SLC25A24: variants seen among roughly 807,000 people sequenced by gnomAD.
SLC25A24 encodes the protein solute carrier family 25 member 24, also known as mitochondrial adenyl nucleotide antiporter SLC25A24.
A neutral mutation model predicts 60.7 loss-of-function variants in SLC25A24; 49 were observed. That is an observed-to-expected ratio of 0.81 (90% CI 0.64 to 1.02). The LOEUF (loss-of-function observed/expected upper bound fraction) is 1.02. Ranked by LOEUF, SLC25A24 falls within the 50% of genes least tolerant of loss-of-function variation. SLC25A24 has a pLI of 0.00. For missense variants in SLC25A24, 564 were observed against 586.3 expected (o/e 0.96, Z 0.39); for synonymous variants, 202 against 200.6 (o/e 1.01, Z -0.06).
At chr1:108,193,854 C>T (rs1220770358) in intron 1 of SLC25A24, among the ~76,000 whole-genome samples, 1 of 139,038 alleles carries the variant, frequency 7.2e-6, no homozygotes, top group Non-Finnish European at 1.6e-5. Flanking sequence ...AGAGAGAAGT[C>T]AGCAGATACT....
chr1:108,177,836 A>T (rs1241986601), intron 3 of SLC25A24, among the ~76,000 whole-genome samples: 1 of 152,118 alleles, frequency 6.6e-6, no homozygotes, highest in African/African-American at 2.4e-5. Flanking sequence ...TTTTATAAAT[A>T]TATATGAACC....
chr1:108,141,312 G>A (rs944423393), intron 8 of SLC25A24, among the ~76,000 whole-genome samples: 1 of 152,110 alleles, frequency 6.6e-6, no homozygotes, highest in East Asian at 1.9e-4. Context: ...CTGAAGGGAG[G>A]AATAAACAGC....
intron 1 of SLC25A24, chr1:108,199,553 T>G: frequency 3.2e-6 from 1 of 310,510 alleles, no homozygotes; most frequent in African/African-American, 2.1e-5. Flanking sequence ...TCGAAAGAGA[T>G]CGAATGTGTG....
intron 6 of SLC25A24, among the ~76,000 whole-genome samples, chr1:108,151,571 G>A (rs527954270): frequency 2.6e-5 from 4 of 152,026 alleles, no homozygotes; most frequent in East Asian, 3.9e-4. Flanking sequence ...CCCATCCCTC[G>A]AGCTATTTCT....
intron 3 of SLC25A24, among the ~76,000 whole-genome samples, chr1:108,178,464 A>C (rs1647782469): frequency 6.6e-6 from 1 of 152,242 alleles, no homozygotes; most frequent in African/African-American, 2.4e-5. Flanking sequence ...ACAAGTCTTA[A>C]CAAATTTAAG....
chr1:108,136,691 C>T lies in SLC25A24; in HGVS notation c.1396G>A (p.Glu466Lys), dbSNP rs754957381. 6.2e-7 allele frequency: 1 copy of T among 1,613,980 alleles called. No homozygotes were observed. Among genetic ancestry groups the T allele is most frequent in the Non-Finnish European group, 8.5e-7 (1 of 1,179,962 alleles). ...ACTCCTAAAGTTTGCTTCATATTTT[C>T]ATAAACCACATAACTGATGCCTACA... ...PAVGISYVVY[E>K]NMKQTLGVTQ... is the part of the protein sequence containing the mutation. The change falls in exon 10 of 10, where the codon GAA becomes AAA. Residue 466 changes from glutamate (E) to lysine (K), a missense_variant. Glu to Lys is a moderately conservative substitution (Grantham distance 56). Coordinates refer to ENST00000565488, the MANE Select transcript of SLC25A24 (RefSeq NM_013386.5).
Position 108,192,910 on chromosome 1 carries a change from C to G in SLC25A24, c.184-6956G>C, listed in dbSNP as rs939905838. ...GACCGCGGAGTTCCTGCCTCACTCA[C>G]GTCTGATCAGAAGCCCCGGCTCCCA... On this transcript the variant is annotated intron_variant, in intron 1 of 9. Coordinates refer to ENST00000565488, the MANE Select transcript of SLC25A24 (RefSeq NM_013386.5). 8.5e-5 allele frequency: 40 copies of G among 471,182 alleles called. 3 individuals carry two copies. Among genetic ancestry groups the G allele is most frequent in the African/African-American group, 7.4e-4 (38 of 51,568 alleles). 29.2% of individuals were successfully genotyped at this position (471,182 alleles called of 1,614,324 possible). A position where few individuals can be genotyped will look rare whatever the true frequency, so the allele number is the denominator to read the frequency against.
In SLC25A24 at chr1:108,137,285, G is replaced by A. The variant is rs1235697445; in HGVS notation, c.1250-448C>T. Reference sequence around the variant, plus strand: ...GCTGCCTCCTTCTTACTAGACAAGCGCTGAAGAGAGAACAGTTAAATCTCA... The same window carrying A: ...GCTGCCTCCTTCTTACTAGACAAGCACTGAAGAGAGAACAGTTAAATCTCA... On this transcript the variant is annotated intron_variant, in intron 9 of 9. Transcript: ENST00000565488. 3.9e-5 allele frequency among the ~76,000 whole-genome samples: 6 copies of A among 152,206 alleles called. No homozygotes were observed. In the East Asian group the frequency reaches 5.8e-4, roughly 15 times the overall value.
chr1:108,161,919 G>A (rs1433211353), intron 3 of SLC25A24, among the ~76,000 whole-genome samples: 2 of 150,948 alleles, frequency 1.3e-5, no homozygotes, highest in East Asian at 3.9e-4. Flanking sequence ...CTAGCATTAG[G>A]TATATCTCCC....
chr1:108,152,326 C>T (rs982920474), intron 6 of SLC25A24, among the ~76,000 whole-genome samples: 4 of 152,036 alleles, frequency 2.6e-5, no homozygotes, highest in Non-Finnish European at 4.4e-5. Flanking sequence ...TGTCCACATG[C>T]TGCTCCTTCT....
intron 6 of SLC25A24, among the ~76,000 whole-genome samples, chr1:108,149,933 T>C (rs1003305552): frequency 5.3e-5 from 8 of 152,278 alleles, no homozygotes; most frequent in African/African-American, 1.9e-4. Flanking sequence ...AAAAATTAAG[T>C]ATATTATCAT....
At chr1:108,187,927 G>GATATATAGATATATATATAT (rs1553256779) in intron 1 of SLC25A24, among the ~76,000 whole-genome samples, 3 of 95,748 alleles carry the variant, frequency 3.1e-5, no homozygotes, top group African/African-American at 4.2e-5. Context: ...AGACATTATA[G>GATATATAGATATATATATAT]ATATATATAT....
At chr1:108,154,004 T>C (rs2101610283) in intron 6 of SLC25A24, among the ~76,000 whole-genome samples, 2 of 152,012 alleles carry the variant, frequency 1.3e-5, no homozygotes, top group Middle Eastern at 6.8e-3. Flanking sequence ...TCTTCAAACC[T>C]TCATATAAGG....
At chr1:108,160,328 G>A (rs1331392743) in intron 4 of SLC25A24, among the ~76,000 whole-genome samples, 2 of 151,724 alleles carry the variant, frequency 1.3e-5, no homozygotes, top group Admixed American at 6.6e-5. Flanking sequence ...TGGCGGCCGG[G>A]AAGAGGCGCT....
chr1:108,193,925 G>A lies in SLC25A24; in HGVS notation c.183+6031C>T, dbSNP rs188730220. On this transcript the variant is annotated intron_variant, in intron 1 of 9. Coordinates refer to ENST00000565488, the MANE Select transcript of SLC25A24 (RefSeq NM_013386.5). Reference sequence around the variant, plus strand: ...CCCTCCAGAACCACAGAGGGCCCTGGCTTCCCCAGACCAACACCTGTGCTC... The same window carrying A: ...CCCTCCAGAACCACAGAGGGCCCTGACTTCCCCAGACCAACACCTGTGCTC... 3.5e-3 allele frequency among the ~76,000 whole-genome samples: 491 copies of A among 139,010 alleles called. 89 individuals carry two copies. The highest frequency in any genetic ancestry group is 6.6e-3 in the Non-Finnish European group (421 of 63,484). The allele number at this position is 139,010 out of a possible 152,430, so 91.2% of individuals were successfully genotyped here. A position where few individuals can be genotyped will look rare whatever the true frequency, so the allele number is the denominator to read the frequency against.
rs1470627510 is a variant in SLC25A24, at chr1:108,187,922, T to TTATATATA, written c.184-1969_184-1968insTATATATA. On this transcript the variant is annotated intron_variant, in intron 1 of 9. Transcript: ENST00000565488. ...CATAATACACGAAATGGATAAGACA[T>TTATATATA]TATAGATATATATATATATATATTC... Among the ~76,000 whole-genome samples, 189 of 51,086 alleles carry TTATATATA rather than the reference T, an allele frequency of 3.7e-3. 6 individuals are homozygous for TTATATATA. The highest frequency in any genetic ancestry group is 0.015 in the African/African-American group (168 of 11,522). 33.5% of individuals were successfully genotyped at this position (51,086 alleles called of 152,430 possible).
rs1247692499 is a variant in SLC25A24 at position 108,159,850 on chromosome 1, C to T, written c.510+1332G>A. Among the ~76,000 whole-genome samples the T allele has an allele frequency of 4.6e-5, 7 of 151,364 alleles. No homozygotes were observed. In the East Asian group the frequency reaches 1.4e-3, roughly 29 times the overall value. ...CTTAGTACAGAACAAAATGAAAAGT[C>T]TCCCATGTCTACCTCTTTCTACACA... On this transcript the variant is annotated intron_variant, in intron 4 of 9. Transcript: ENST00000565488.
chr1:108,156,425 C>G (rs906738460), intron 5 of SLC25A24, among the ~76,000 whole-genome samples: 1 of 152,188 alleles, frequency 6.6e-6, no homozygotes, highest in Non-Finnish European at 1.5e-5. Context: ...TTCAAGTTCT[C>G]TAAAAGTCAA....
At chr1:108,141,782 T>C (rs1300553708) in intron 8 of SLC25A24, among the ~76,000 whole-genome samples, 1 of 152,160 alleles carries the variant, frequency 6.6e-6, no homozygotes, top group Non-Finnish European at 1.5e-5. Context: ...TACCACATGA[T>C]TTCACTTATA....
Sources: allele counts gnomAD v4.1 joint callset (sites outside exome capture counted in the v4.1 genomes callset), GRCh38; gene constraint gnomAD v4.1.1; transcripts MANE v1.5; gene names NCBI Gene and HGNC (gene_info 2026-07-23, HGNC 2026-07-21).